Variants in AGFG1 observed in about 807,000 individuals in gnomAD.
The protein encoded by AGFG1 is ArfGAP with FG repeats 1, also known as arf-GAP domain and FG repeat-containing protein 1.
A neutral mutation model predicts 60.6 loss-of-function variants in AGFG1; 10 were observed. The observed-to-expected ratio is 0.16, with a 90% CI of 0.10 to 0.28. The LOEUF is 0.28. Ranked by LOEUF, AGFG1 falls within the 10% of genes least tolerant of loss-of-function variation. AGFG1 has a pLI of 1.00. For missense variants in AGFG1, 537 were observed against 676.5 expected, an observed-to-expected ratio of 0.79 and a Z score of 2.29; for synonymous variants, 247 against 242.9, an observed-to-expected ratio of 1.02 and a Z score of -0.16.
chr2:227,553,495 C>A (rs1233234270), intron 11 of AGFG1, among the ~76,000 whole-genome samples: 1,075 of 119,740 alleles, frequency 9.0e-3, no homozygotes, highest in Non-Finnish European at 9.3e-3. Flanking sequence ...GATCATGTCT[C>A]AAAAAAAAAA....
At chr2:227,489,926 A>G (rs530409290) in intron 1 of AGFG1, among the ~76,000 whole-genome samples, 2 of 151,694 alleles carry the variant, frequency 1.3e-5, no homozygotes, top group African/African-American at 4.8e-5. Context: ...AGCAATTTTC[A>G]TGCCTCAGCC....
intron 2 of AGFG1, among the ~76,000 whole-genome samples, chr2:227,499,038 T>G (rs1691067501): frequency 6.6e-6 from 1 of 152,140 alleles, no homozygotes; most frequent in Non-Finnish European, 1.5e-5. Flanking sequence ...CAAACTTCCA[T>G]CAACACATGG....
rs150369262 is a variant in AGFG1, at chr2:227,480,770, G to A, written c.167+8182G>A. 1.4e-3 allele frequency among the ~76,000 whole-genome samples: 215 copies of A among 152,148 alleles called. 2 individuals carry two copies. Among genetic ancestry groups the A allele is most frequent in the African/African-American group, 4.9e-3 (202 of 41,514 alleles). On this transcript the variant is annotated intron_variant, in intron 1 of 12. Transcript: ENST00000310078. ...TGTTTCCAGGACCCCCAACATTTCC[G>A]TTAGCCTCCTGATGAAAGGTGAATG...
intron 1 of AGFG1, among the ~76,000 whole-genome samples, chr2:227,473,203 A>G (rs1369433214): frequency 1.3e-5 from 2 of 152,178 alleles, no homozygotes; most frequent in South Asian, 4.1e-4. Context: ...GCAGGATGAA[A>G]GCATCTTGAT....
intron 10 of AGFG1, among the ~76,000 whole-genome samples, chr2:227,549,349 C>T (rs888451647): frequency 1.3e-5 from 2 of 152,098 alleles, no homozygotes; most frequent in African/African-American, 4.8e-5. Context: ...ATTGTTAAAC[C>T]GAACAAACAA....
chr2:227,539,746 C>CAAA (rs71039604), intron 10 of AGFG1, among the ~76,000 whole-genome samples: 103 of 64,956 alleles, frequency 1.6e-3, no homozygotes, highest in East Asian at 3.8e-3. Flanking sequence ...CTCTAGCTCA[C>CAAA]AAAAAAAAAA....
chr2:227,502,945 T>C (rs528771000), intron 2 of AGFG1, among the ~76,000 whole-genome samples: 8 of 152,214 alleles, frequency 5.3e-5, no homozygotes, highest in Admixed American at 5.2e-4. Context: ...AAAAATGAAA[T>C]GACCAGGCAG....
At chr2:227,551,849 G>A in intron 10 of AGFG1, 110 bp from the exon 11 acceptor site, 2 of 1,327,694 alleles carry the variant, frequency 1.5e-6, no homozygotes, top group South Asian at 2.9e-5. Flanking sequence ...TGCCTTTAAT[G>A]TACATCTTAG....
At position 227,507,870 on chromosome 2, in the gene AGFG1, A is replaced by G. The variant is rs185322703; in HGVS notation, c.262-12078A>G. ...ATTACTATGAATTTATTTATTTGATATGTTTCACTCAGTTATTCTTGCTGA... is the reference window on the plus strand; with the variant it reads ...ATTACTATGAATTTATTTATTTGATGTGTTTCACTCAGTTATTCTTGCTGA... On this transcript the variant is annotated intron_variant, in intron 2 of 12. Coordinates refer to ENST00000310078, the MANE Select transcript of AGFG1 (RefSeq NM_004504.5). 7.7e-3 allele frequency among the ~76,000 whole-genome samples: 1,172 copies of G among 152,194 alleles called. 10 individuals are homozygous for G. The highest frequency in any genetic ancestry group is 0.012 in the Non-Finnish European group (845 of 68,002).
At chr2:227,525,491 T>A (rs1691847534) in intron 5 of AGFG1, among the ~76,000 whole-genome samples, 1 of 152,234 alleles carries the variant, frequency 6.6e-6, no homozygotes, top group African/African-American at 2.4e-5. Context: ...CATGCATATA[T>A]ACATACATAC....
At chr2:227,542,620 CT>C (rs1463704818) in intron 10 of AGFG1, among the ~76,000 whole-genome samples, 1 of 152,124 alleles carries the variant, frequency 6.6e-6, no homozygotes, top group African/African-American at 2.4e-5. Flanking sequence ...CTAAAATTCT[CT>C]TTTTTTGTTG....
chr2:227,482,773 C>G (rs967825179), intron 1 of AGFG1, among the ~76,000 whole-genome samples: 6 of 152,180 alleles, frequency 3.9e-5, no homozygotes, highest in African/African-American at 1.4e-4. Context: ...GAGCAGCACA[C>G]TGATGGACAT....
chr2:227,552,772 T>C (rs1460305711), intron 11 of AGFG1, among the ~76,000 whole-genome samples: 3 of 149,198 alleles, frequency 2.0e-5, no homozygotes, highest in Non-Finnish European at 3.0e-5. Flanking sequence ...GAGGCTGAAG[T>C]GGGCGGATCA....
At chr2:227,524,302 G>A (rs1691918364) in intron 4 of AGFG1, among the ~76,000 whole-genome samples, 1 of 152,092 alleles carries the variant, frequency 6.6e-6, no homozygotes, top group South Asian at 2.1e-4. Flanking sequence ...ACTTTTCTAG[G>A]AAGGGATTTC....
At chr2:227,483,916 G>A (rs1267775976) in intron 1 of AGFG1, among the ~76,000 whole-genome samples, 1 of 151,826 alleles carries the variant, frequency 6.6e-6, no homozygotes, top group Non-Finnish European at 1.5e-5. Context: ...GTGGAATTCC[G>A]TTTTCTTTTT....
intron 2 of AGFG1, 66 bp from the exon 3 acceptor site, chr2:227,519,882 T>C: frequency 1.2e-6 from 1 of 864,008 alleles, no homozygotes; most frequent in Non-Finnish European, 1.8e-6. Flanking sequence ...AATCATAGTA[T>C]CCCCTTAAAA....
chr2:227,509,567 G>A (rs1477817421), intron 2 of AGFG1, among the ~76,000 whole-genome samples: 1 of 152,014 alleles, frequency 6.6e-6, no homozygotes, highest in Non-Finnish European at 1.5e-5. Flanking sequence ...AGGGGTAAAA[G>A]GCTTGTTATG....
chr2:227,494,356 T>C (rs1448876027), intron 2 of AGFG1, among the ~76,000 whole-genome samples: 1 of 152,234 alleles, frequency 6.6e-6, no homozygotes, highest in African/African-American at 2.4e-5. Context: ...TAAGTTGCCA[T>C]ATTCTCTCGT....
chr2:227,504,662 A>G (rs908294415), intron 2 of AGFG1, among the ~76,000 whole-genome samples: 39 of 152,234 alleles, frequency 2.6e-4, no homozygotes, highest in African/African-American at 9.2e-4. Context: ...AATGTTTTCT[A>G]ATTGCCCTTG....
Sources: gnomAD v4.1 joint callset for allele counts (sites outside exome capture counted in the v4.1 genomes callset) on GRCh38, gnomAD v4.1.1 for gene constraint, MANE v1.5 for transcripts, NCBI Gene and HGNC (gene_info 2026-07-23, HGNC 2026-07-21) for gene names.